The following TRO variants were observed in gnomAD, a reference collection of about 807,000 sequenced individuals.
The protein encoded by TRO is MAGE superfamily protein.
Under a neutral mutation model 42.3 loss-of-function variants are expected in TRO, and 29 were observed. That is an observed-to-expected ratio of 0.68 (90% CI 0.51 to 0.93). The LOEUF (loss-of-function observed/expected upper bound fraction) is 0.93. TRO is among the 40% of genes least tolerant of loss of function. The probability of loss-of-function intolerance (pLI) is 0.00; values close to 1 mark genes in which losing one functional copy is unlikely to be tolerated. For missense variants in TRO, 963 were observed against 1,127.7 expected, an observed-to-expected ratio of 0.85 and a Z score of 2.09; for synonymous variants, 384 against 425.2, an observed-to-expected ratio of 0.90 and a Z score of 1.19.
rs374465129 is a variant in TRO at position 54,923,239 on chromosome X, G to A, written c.707G>A (p.Gly236Asp). The A allele has an allele frequency of 6.3e-5, 76 of 1,209,470 alleles. 1 individual carries two copies. In the South Asian group the frequency reaches 1.1e-3, roughly 17 times the overall value. Residue 236 changes from glycine to aspartate, a missense_variant, in exon 3 of 13, where the codon GGC (glycine) becomes GAC (aspartate). By Grantham distance (94) the Gly-to-Asp change is moderately conservative. Around this residue, in one of 2 missense-constraint regions of TRO, gnomAD observed 322 missense variants for 316.5 expected, o/e 1.02. Transcript: ENST00000173898. Reference protein sequence around the residue: ...ATATHTATTQGQITNETASIH... With the variant: ...ATATHTATTQDQITNETASIH... Reference sequence around the variant, plus strand: ...GCCACCCATACAGCTACCACCCAAGGCCAAATTACCAATGAGACAGCCAGT... The same window carrying A: ...GCCACCCATACAGCTACCACCCAAGACCAAATTACCAATGAGACAGCCAGT...
intron 10 of TRO, 139 bp downstream of exon 10, chrX:54,927,244 A>T: frequency 1.4e-6 from 1 of 728,349 alleles, no homozygotes; most frequent in Admixed American, 2.9e-5. Flanking sequence ...GATACTGTCT[A>T]AAATTCCCAT....
In TRO at chrX:54,931,230, G is replaced by A. The variant is rs756831648; in HGVS notation, c.*38G>A. On this transcript the variant is annotated 3_prime_UTR_variant, in exon 13 of 13. Coordinates refer to ENST00000173898, the MANE Select transcript of TRO (RefSeq NM_001039705.3). Reference sequence around the variant, plus strand: ...TTTATTCCCCATGTTTACAGATACCGCTAATAAATTGCAGTAGTCCTTCCC... The same window carrying A: ...TTTATTCCCCATGTTTACAGATACCACTAATAAATTGCAGTAGTCCTTCCC... 2.3e-5 allele frequency: 28 copies of A among 1,210,092 alleles called. No individual in the cohort carries two copies. The highest frequency in any genetic ancestry group is 2.3e-4 in the Middle Eastern group (1 of 4,376).
chrX:54,929,183 G>C lies in TRO; in HGVS notation c.2459G>C (p.Ser820Thr), dbSNP rs1308524741. Reference protein sequence around the residue: ...SISFGGMPCTSASFSGGVSSS... With the variant: ...SISFGGMPCTTASFSGGVSSS... Reference sequence around the variant, plus strand: ...AGCTTTGGTGGCATGCCTTGTACCAGTGCCAGCTTTAGTGGTGGAGTCAGC... The same window carrying C: ...AGCTTTGGTGGCATGCCTTGTACCACTGCCAGCTTTAGTGGTGGAGTCAGC... The change falls in exon 12 of 13, where the codon AGT becomes ACT. Residue 820 changes from serine to threonine, a missense_variant. Ser to Thr is a moderately conservative substitution (Grantham distance 58). Around this residue, in one of 2 missense-constraint regions of TRO, gnomAD observed 641 missense variants for 811.3 expected, o/e 0.79. Transcript: ENST00000173898. The C allele has an allele frequency of 8.3e-7, 1 of 1,211,586 alleles. No homozygotes were observed. The highest frequency in any genetic ancestry group is 1.1e-6 in the Non-Finnish European group (1 of 895,577).
chrX:54,928,798 G>C lies in TRO; in HGVS notation c.2074G>C (p.Glu692Gln). The C allele has an allele frequency of 8.3e-7, 1 of 1,211,438 alleles. No homozygotes were observed. Among genetic ancestry groups the C allele is most frequent in the Non-Finnish European group, 1.1e-6 (1 of 895,283 alleles). The change falls in exon 12 of 13, where the codon GAG becomes CAG. Residue 692 changes from glutamate to glutamine, a missense_variant. Transcript: ENST00000173898. Reference protein sequence around the residue: ...DMDIDCLTREELGDDAQAWSR... With the variant: ...DMDIDCLTREQLGDDAQAWSR... ...GGATATCGACTGCCTAACAAGGGAA[G>C]AGTTAGGCGATGATGCTCAGGCCTG...
At chrX:54,921,697 T>C (rs1238360148) in intron 1 of TRO, among the ~76,000 whole-genome samples, 4 of 74,315 alleles carry the variant, frequency 5.4e-5, no homozygotes, top group Admixed American at 1.6e-4. Context: ...ATGGGCGGTG[T>C]TGGGGTAGGG....
chrX:54,923,664 C>T lies in TRO; in HGVS notation c.1132C>T (p.Leu378Phe). ...CTCTGCTCAGACCAACGTAAGTGCCCTTGAGACTCAGGTTGCTGCTGCTGT... is the reference window on the plus strand; with the variant it reads ...CTCTGCTCAGACCAACGTAAGTGCCTTTGAGACTCAGGTTGCTGCTGCTGT... The part of the protein sequence containing the change: ...IASAQTNVSA[L>F]ETQVAAAVQA... Residue 378 changes from leucine (L) to phenylalanine (F), a missense_variant, in exon 3 of 13, where the codon CTT (leucine) becomes TTT (phenylalanine). Physicochemically the swap from Leu to Phe is conservative, Grantham distance 22. Around this residue, in one of 2 missense-constraint regions of TRO, gnomAD observed 322 missense variants for 316.5 expected, o/e 1.02. Transcript: ENST00000173898. 1 of 1,211,362 alleles carries T rather than the reference C, an allele frequency of 8.3e-7. No individual in the cohort carries two copies. Among genetic ancestry groups the T allele is most frequent in the East Asian group, 3.0e-5 (1 of 33,867 alleles).
In TRO at chrX:54,924,896, C is replaced by G. The variant is rs1932559611; in HGVS notation, c.1406-93C>G. 3.0e-6 allele frequency: 3 copies of G among 1,016,923 alleles called. No individual in the cohort carries two copies. In the East Asian group the frequency reaches 9.3e-5, roughly 32 times the overall value. 83.8% of individuals were successfully genotyped at this position (1,016,923 alleles called of 1,213,427 possible). Reference sequence around the variant, plus strand: ...CATCTCCCATTAACTCACTTCAGGTCTCTGATTGCACTGACCCAACAGGAC... The same window carrying G: ...CATCTCCCATTAACTCACTTCAGGTGTCTGATTGCACTGACCCAACAGGAC... On this transcript the variant is annotated intron_variant, in intron 5 of 12. Coordinates refer to ENST00000173898, the MANE Select transcript of TRO (RefSeq NM_001039705.3).
At position 54,922,790 on chromosome X, in the gene TRO, C is replaced by T; in HGVS notation, c.258C>T (p.Ala86=). ...CTATTACTAAGGCTGCACCTGCTGC[C>T]CCTCCAGTCCCAGCTGCCAATGAGA... The part of the protein sequence containing the change: ...IKTITKAAPA[A]PPVPAANEIA... The change falls in exon 3 of 13, where the codon GCC becomes GCT. Residue 86 remains alanine (A), a synonymous_variant. Transcript: ENST00000173898. The T allele has an allele frequency of 8.3e-7, 1 of 1,206,390 alleles. No individual in the cohort carries two copies. Among genetic ancestry groups the T allele is most frequent in the Non-Finnish European group, 1.1e-6 (1 of 892,630 alleles).
chrX:54,921,717 A>G (rs1245011953), intron 1 of TRO, among the ~76,000 whole-genome samples: 1 of 60,791 alleles, frequency 1.6e-5, no homozygotes, highest in Admixed American at 2.2e-4. Context: ...GGCGGTGCGG[A>G]GTGGTACTGC....
chrX:54,922,491 T>C, intron 2 of TRO, 87 bp from the exon 3 acceptor site: 1 of 989,978 alleles, frequency 1.0e-6, no homozygotes, highest in Non-Finnish European at 1.4e-6. Flanking sequence ...AATTAACCAC[T>C]GCTCAGAGGA....
rs1033459202 is a variant in TRO at position 54,924,826 on chromosome X, T to C, written c.1405+93T>C. The C allele has an allele frequency of 1.1e-5, 11 of 1,013,832 alleles. No homozygotes were observed. In the African/African-American group the frequency reaches 1.5e-4, roughly 14 times the overall value. 83.6% of individuals were successfully genotyped at this position (1,013,832 alleles called of 1,213,427 possible). On this transcript the variant is annotated intron_variant, in intron 5 of 12. Transcript: ENST00000173898. Reference sequence around the variant, plus strand: ...GTAACACTTTATGGCCTCTTTGTTCTGTCATATCTCCACACCTGCCCTCCT... The same window carrying C: ...GTAACACTTTATGGCCTCTTTGTTCCGTCATATCTCCACACCTGCCCTCCT...
intron 1 of TRO, chrX:54,921,492 G>A (rs976930473): frequency 9.1e-6 from 1 of 109,692 alleles, no homozygotes; most frequent in African/African-American, 3.3e-5. Context: ...GTTGCAGAAA[G>A]GGCGGAGCTG....
At chrX:54,925,479 C>A (rs980983386) in intron 6 of TRO, 113 bp from the exon 7 acceptor site, 1 of 593,412 alleles carries the variant, frequency 1.7e-6, no homozygotes, top group Non-Finnish European at 2.7e-6. Context: ...ATCTCACTGA[C>A]TTCTTACACA....
At chrX:54,926,370 T>C (rs1602142445) in intron 7 of TRO, 40 bp from the exon 8 acceptor site, 1 of 1,175,536 alleles carries the variant, frequency 8.5e-7, no homozygotes, top group Non-Finnish European at 1.2e-6. Flanking sequence ...TTCTGTCCTG[T>C]TGAAACATAA....
Position 54,922,281 on chromosome X carries a change from C to T in TRO, c.35C>T (p.Pro12Leu), listed in dbSNP as rs765659172. 1.7e-6 allele frequency: 2 copies of T among 1,209,046 alleles called. No individual in the cohort carries two copies. Among genetic ancestry groups the T allele is most frequent in the East Asian group, 3.0e-5 (1 of 33,781 alleles). ...DRRNDYGYRVPLFQGPLPPPG... is the reference protein window; with the variant it reads ...DRRNDYGYRVLLFQGPLPPPG... ...AGAAATGACTACGGATATAGGGTGCCTCTATTTCAGGTGAGGCCTCTCTGC... is the reference window on the plus strand; with the variant it reads ...AGAAATGACTACGGATATAGGGTGCTTCTATTTCAGGTGAGGCCTCTCTGC... The change falls in exon 2 of 13, where the codon CCT becomes CTT. Residue 12 changes from proline (P) to leucine (L), a missense_variant. Pro to Leu is a moderately conservative substitution (Grantham distance 98, BLOSUM62 -3). This residue lies in a region of TRO where 322 missense variants were observed against 316.5 expected (regional missense o/e 1.02). Transcript: ENST00000173898.
In TRO at chrX:54,923,196, G is replaced by A. The variant is rs776959349; in HGVS notation, c.664G>A (p.Val222Ile). The A allele has an allele frequency of 1.7e-6, 2 of 1,209,600 alleles. No individual in the cohort carries two copies. Among genetic ancestry groups the A allele is most frequent in the African/African-American group, 3.5e-5 (2 of 56,971 alleles). Residue 222 changes from valine (V) to isoleucine (I), a missense_variant, in exon 3 of 13, where the codon GTC (valine) becomes ATC (isoleucine). This residue lies in a region of TRO where 322 missense variants were observed against 316.5 expected (regional missense o/e 1.02). Transcript: ENST00000173898. ...ANKAIASATE[V>I]SLAATATHTA... ...TAAGGCCATAGCTAGTGCCACCGAG[G>A]TCTCGCTGGCTGCAACTGCCACCCA...
intron 7 of TRO, among the ~76,000 whole-genome samples, 196 bp from the exon 8 acceptor site, chrX:54,926,214 G>T (rs1179893698): frequency 8.9e-6 from 1 of 112,423 alleles, no homozygotes; most frequent in Non-Finnish European, 1.9e-5. Context: ...ACCAAGGCTT[G>T]CAAGGTCTAA....
chrX:54,922,931 T>C lies in TRO; in HGVS notation c.399T>C (p.Thr133=). The C allele has an allele frequency of 8.3e-7, 1 of 1,211,893 alleles. No homozygotes were observed. The highest frequency in any genetic ancestry group is 1.1e-6 in the Non-Finnish European group (1 of 895,550). ...EVTNTQASSV[T]AQPKKANKMK... Reference sequence around the variant, plus strand: ...CCAATACTCAGGCTTCTTCAGTCACTGCTCAGCCTAAGAAAGCCAACAAGA... The same window carrying C: ...CCAATACTCAGGCTTCTTCAGTCACCGCTCAGCCTAAGAAAGCCAACAAGA... Residue 133 remains threonine, a synonymous_variant, in exon 3 of 13, where the codon ACT becomes ACC. Transcript: ENST00000173898.
rs777218287 is a variant in TRO at position 54,931,020 on chromosome X, G to A, written c.4296G>A (p.Ter1432=). Residue 1432 remains the stop codon, a stop_retained_variant, in exon 12 of 13, where the codon TAG becomes TAA. Coordinates refer to ENST00000173898, the MANE Select transcript of TRO (RefSeq NM_001039705.3). ...SLGACGFSYG[*] is the part of the protein sequence containing the mutation. ...GTGCCTGTGGCTTCTCGTATGGCTAGTGAGGTTTCAGGTAACTGCAATATT... is the reference window on the plus strand; with the variant it reads ...GTGCCTGTGGCTTCTCGTATGGCTAATGAGGTTTCAGGTAACTGCAATATT... 8.5e-7 allele frequency: 1 copy of A among 1,182,731 alleles called. No homozygotes were observed. Among genetic ancestry groups the A allele is most frequent in the African/African-American group, 1.8e-5 (1 of 56,696 alleles).
Sources: gnomAD v4.1 joint callset for allele counts (sites outside exome capture counted in the v4.1 genomes callset) on GRCh38, gnomAD v4.1.1 for gene constraint, gnomAD v4.1.1 regional missense constraint, MANE v1.5 for transcripts, NCBI Gene and HGNC (gene_info 2026-07-23, HGNC 2026-07-21) for gene names.